Variants in B3GNT3 observed in about 807,000 individuals in gnomAD.
The protein encoded by B3GNT3 is N-acetyllactosaminide beta-1,3-N-acetylglucosaminyltransferase 3.
A neutral mutation model predicts 11.6 loss-of-function variants in B3GNT3; 7 were observed. The ratio of observed to expected loss-of-function variants is 0.60; its 90% CI spans 0.34 to 1.13. The LOEUF is 1.13. Among genes scored for constraint, B3GNT3 ranks in the 50% most tolerant of loss-of-function variants. The probability of loss-of-function intolerance (pLI) is 0.03; values close to 1 mark genes in which losing one functional copy is unlikely to be tolerated. For missense variants in B3GNT3, 400 were observed against 507.4 expected, an observed-to-expected ratio of 0.79 and a Z score of 2.03; for synonymous variants, 201 against 222.1, an observed-to-expected ratio of 0.90 and a Z score of 0.85.
intron 1 of B3GNT3, among the ~76,000 whole-genome samples, chr19:17,796,323 GCCCAAGCAATCCT>G (rs879726624): frequency 3.9e-5 from 6 of 152,154 alleles, no homozygotes; most frequent in Non-Finnish European, 8.8e-5. Flanking sequence ...AAACTCCTGG[GCCCAAGCAATCCT>G]CCTGCCTTGG....
chr19:17,811,071 G>C lies in B3GNT3; in HGVS notation c.568-500G>C, dbSNP rs1174933112. On this transcript the variant is annotated intron_variant, in intron 2 of 2. Coordinates refer to ENST00000318683, the MANE Select transcript of B3GNT3 (RefSeq NM_014256.4). The surrounding 1 kb of genome is among the most constrained non-coding windows in gnomAD (Gnocchi z 4.1). Reference sequence around the variant, plus strand: ...AAAAAAAAAAAATTATTAGCCAGGAGTAAGTAGCGGCATGTGTCTGTAGTA... The same window carrying C: ...AAAAAAAAAAAATTATTAGCCAGGACTAAGTAGCGGCATGTGTCTGTAGTA... Among the ~76,000 whole-genome samples, 1 of 151,092 alleles carries C rather than the reference G, an allele frequency of 6.6e-6. No homozygotes were observed. The highest frequency in any genetic ancestry group is 1.5e-5 in the Non-Finnish European group (1 of 67,792).
chr19:17,810,446 T>C (rs1191836736), intron 2 of B3GNT3, among the ~76,000 whole-genome samples: 1 of 151,988 alleles, frequency 6.6e-6, no homozygotes, highest in East Asian at 1.9e-4. Flanking sequence ...AAGTGTGTGA[T>C]AAACATCAGC....
chr19:17,807,672 A>G, intron 1 of B3GNT3, 86 bp from the exon 2 acceptor site: 1 of 828,952 alleles, frequency 1.2e-6, no homozygotes, highest in Non-Finnish European at 1.8e-6. Context: ...CAACCTGAGC[A>G]ACTGTACAGG....
At position 17,807,799 on chromosome 19, in the gene B3GNT3, C is replaced by T. The variant is rs2147652511; in HGVS notation, c.-9C>T. 1.9e-6 allele frequency: 3 copies of T among 1,599,898 alleles called. No individual in the cohort carries two copies. In the South Asian group the frequency reaches 3.3e-5, roughly 18 times the overall value. The stretch of plus-strand genomic sequence containing the variant: ...TCCTCAGGCCGACCCCAGACCCTGG[C>T]TGGCCAGGATGAAGTATCTCCGGCA... On this transcript the variant is annotated 5_prime_UTR_variant, in exon 2 of 3. Transcript: ENST00000318683.
intron 2 of B3GNT3, 125 bp downstream of exon 2, chr19:17,808,499 T>C (rs2094176694): frequency 9.6e-7 from 1 of 1,041,922 alleles, no homozygotes; most frequent in Admixed American, 2.9e-5. Context: ...TCTGCCCCTC[T>C]GCTGTCCTCA....
chr19:17,810,124 G>A (rs1369287784), intron 2 of B3GNT3, among the ~76,000 whole-genome samples: 3 of 152,208 alleles, frequency 2.0e-5, no homozygotes, highest in Non-Finnish European at 4.4e-5. Context: ...TACCCAGCCT[G>A]TGTAGGTTAC....
In B3GNT3 at chr19:17,812,958, G is replaced by T. The variant is rs2094183073; in HGVS notation, c.*836G>T. 6.6e-6 allele frequency: 1 copy of T among 152,198 alleles called. No individual in the cohort carries two copies. The highest frequency in any genetic ancestry group is 1.5e-5 in the Non-Finnish European group (1 of 68,076). The allele number at this position is 152,198 out of a possible 1,614,324, so 9.4% of individuals were successfully genotyped here. A position where few individuals can be genotyped will look rare whatever the true frequency, so the allele number is the denominator to read the frequency against. On this transcript the variant is annotated 3_prime_UTR_variant, in exon 3 of 3. Coordinates refer to ENST00000318683, the MANE Select transcript of B3GNT3 (RefSeq NM_014256.4). ...ACCCAGTATGTTTTACAGATTACGG[G>T]GGGACCGGGTGAGCCAGTGACCCCC...
intron 1 of B3GNT3, among the ~76,000 whole-genome samples, chr19:17,799,557 C>T (rs529513964): frequency 1.3e-4 from 20 of 152,128 alleles, no homozygotes; most frequent in African/African-American, 3.6e-4. Context: ...TGTGAGCCAC[C>T]GAGCCCGGCT....
chr19:17,807,960 T>TAC lies in B3GNT3; in HGVS notation c.153_154insAC (p.Pro52ThrfsTer62). ...TCCCCGAGGCCCTGGCCTGGCCCAC[T>TAC]CCACCCACCCGCCCAGCCCCGGCCC... On this transcript the variant is annotated frameshift_variant, in exon 2 of 3. Transcript: ENST00000318683. LOFTEE classifies it high-confidence loss of function. 1 of 1,609,514 alleles carries TAC rather than the reference T, an allele frequency of 6.2e-7. No individual in the cohort carries two copies. Among genetic ancestry groups the TAC allele is most frequent in the Non-Finnish European group, 8.5e-7 (1 of 1,178,114 alleles).
In B3GNT3 at chr19:17,811,303, C is replaced by T. The variant is rs2094180363; in HGVS notation, c.568-268C>T. Among the ~76,000 whole-genome samples the T allele has an allele frequency of 6.6e-6, 1 of 152,178 alleles. No individual in the cohort carries two copies. The highest frequency in any genetic ancestry group is 2.4e-5 in the African/African-American group (1 of 41,456). On this transcript the variant is annotated intron_variant, in intron 2 of 2. Coordinates refer to ENST00000318683, the MANE Select transcript of B3GNT3 (RefSeq NM_014256.4). This position sits in a 1 kb window ranked among gnomAD's most constrained non-coding sequence, Gnocchi z 4.1. ...GGAATAGCAATACATGTAAATGTAA[C>T]AATTTTCCAGCATTTCTTGGTGCTT...
chr19:17,811,444 G>A lies in B3GNT3; in HGVS notation c.568-127G>A. ...TTTCCCAAGTAACCCCACAGGGCAG[G>A]GCCTTAACCCAGGCTGGATTGTGGA... On this transcript the variant is annotated intron_variant, in intron 2 of 2. Transcript: ENST00000318683. This position sits in a 1 kb window ranked among gnomAD's most constrained non-coding sequence, Gnocchi z 4.1. 1.0e-6 allele frequency: 1 copy of A among 961,032 alleles called. No individual in the cohort carries two copies. The allele number at this position is 961,032 out of a possible 1,614,324, so 59.5% of individuals were successfully genotyped here.
intron 2 of B3GNT3, among the ~76,000 whole-genome samples, chr19:17,810,354 G>A (rs1164789002): frequency 6.6e-6 from 1 of 152,060 alleles, no homozygotes; most frequent in East Asian, 1.9e-4. Context: ...AGGTTGGAGT[G>A]AGTTAAGATT....
chr19:17,800,953 C>T (rs952883551), intron 1 of B3GNT3, among the ~76,000 whole-genome samples: 8 of 151,422 alleles, frequency 5.3e-5, no homozygotes, highest in East Asian at 1.9e-4. Flanking sequence ...TCAGCCTGGG[C>T]GACAGAGGCT....
chr19:17,811,877 A>C lies in B3GNT3; in HGVS notation c.874A>C (p.Ile292Leu), dbSNP rs768715556. 2 of 1,613,952 alleles carry C rather than the reference A, an allele frequency of 1.2e-6. No homozygotes were observed. The highest frequency in any genetic ancestry group is 1.7e-6 in the Non-Finnish European group (2 of 1,180,024). ...ALRRAAHVLD[I>L]FPIDDVFLGM... is the part of the protein sequence containing the mutation. Reference sequence around the variant, plus strand: ...GCGCCGTGCTGCCCATGTCTTGGACATCTTCCCCATTGATGATGTCTTCCT... The same window carrying C: ...GCGCCGTGCTGCCCATGTCTTGGACCTCTTCCCCATTGATGATGTCTTCCT... Residue 292 changes from isoleucine (I) to leucine (L), a missense_variant, in exon 3 of 3, where the codon ATC (isoleucine) becomes CTC (leucine). By Grantham distance (5) the Ile-to-Leu change is conservative. Coordinates refer to ENST00000318683, the MANE Select transcript of B3GNT3 (RefSeq NM_014256.4). The surrounding 1 kb of genome is among the most constrained non-coding windows in gnomAD (Gnocchi z 4.1).
intron 2 of B3GNT3, among the ~76,000 whole-genome samples, chr19:17,808,587 C>G (rs1467318332): frequency 6.6e-6 from 1 of 152,174 alleles, no homozygotes; most frequent in Non-Finnish European, 1.5e-5. Flanking sequence ...GTTACTAGCA[C>G]AGAGCTCAAG....
At chr19:17,801,634 C>T (rs549920797) in intron 1 of B3GNT3, among the ~76,000 whole-genome samples, 14 of 152,012 alleles carry the variant, frequency 9.2e-5, no homozygotes, top group African/African-American at 3.4e-4. Context: ...CAGGTGCACG[C>T]CACCACACCT....
At position 17,812,290 on chromosome 19, in the gene B3GNT3, A is replaced by C; in HGVS notation, c.*168A>C. 3.0e-6 allele frequency: 2 copies of C among 674,316 alleles called. No individual in the cohort carries two copies. The highest frequency in any genetic ancestry group is 4.9e-6 in the Non-Finnish European group (2 of 408,346). 41.8% of individuals were successfully genotyped at this position (674,316 alleles called of 1,614,324 possible). A position where few individuals can be genotyped will look rare whatever the true frequency, so the allele number is the denominator to read the frequency against. On this transcript the variant is annotated 3_prime_UTR_variant, in exon 3 of 3. Transcript: ENST00000318683. ...CTGGCGAACTCCTACACATCCTTCAAAACCCACCTGGTACTGTTCCAGCAT... is the reference window on the plus strand; with the variant it reads ...CTGGCGAACTCCTACACATCCTTCACAACCCACCTGGTACTGTTCCAGCAT...
At chr19:17,805,584 A>G (rs1230744608) in intron 1 of B3GNT3, among the ~76,000 whole-genome samples, 1 of 151,950 alleles carries the variant, frequency 6.6e-6, no homozygotes, top group Non-Finnish European at 1.5e-5. Flanking sequence ...TGTCCCAACC[A>G]CGTCAGCCTC....
chr19:17,795,938 G>C (rs1000182016), intron 1 of B3GNT3, among the ~76,000 whole-genome samples: 19 of 152,122 alleles, frequency 1.2e-4, no homozygotes, highest in Admixed American at 1.2e-3. Flanking sequence ...GAGTTGAGTG[G>C]ATAGGAGCTG....
Sources: allele counts gnomAD v4.1 joint callset (sites outside exome capture counted in the v4.1 genomes callset), GRCh38; gene constraint gnomAD v4.1.1; non-coding constraint Gnocchi (gnomAD v3.1); transcripts MANE v1.5; gene names NCBI Gene and HGNC (gene_info 2026-07-23, HGNC 2026-07-21).